XXYLT1: variants seen among roughly 807,000 people sequenced by gnomAD.
XXYLT1 encodes the protein UDP-xylose:alpha-xyloside alpha-1,3-xylosyltransferase.
Under a neutral mutation model 28.9 loss-of-function variants are expected in XXYLT1, and 20 were observed. The observed-to-expected ratio is 0.69, with a 90% CI of 0.49 to 1.00. The LOEUF is 1.00. Ranked by LOEUF, XXYLT1 falls within the 50% of genes least tolerant of loss-of-function variation. The pLI is 0.00. For missense variants in XXYLT1, 542 were observed against 560.1 expected, an observed-to-expected ratio of 0.97 and a Z score of 0.33; for synonymous variants, 257 against 253.8, an observed-to-expected ratio of 1.01 and a Z score of -0.12.
At chr3:195,123,190 A>C (rs1032828595) in intron 3 of XXYLT1, among the ~76,000 whole-genome samples, 1 of 151,942 alleles carries the variant, frequency 6.6e-6, no homozygotes, top group African/African-American at 2.4e-5. Flanking sequence ...CAAAAAAAAA[A>C]ACCCTACATT....
At chr3:195,242,285 T>A (rs1470912837) in intron 1 of XXYLT1, among the ~76,000 whole-genome samples, 1 of 152,174 alleles carries the variant, frequency 6.6e-6, no homozygotes, top group South Asian at 2.1e-4. Context: ...TTCTTCCACA[T>A]AGGACTTACT....
intron 1 of XXYLT1, among the ~76,000 whole-genome samples, chr3:195,245,159 A>T (rs557687675): frequency 4.5e-5 from 6 of 132,360 alleles, no homozygotes; most frequent in Admixed American, 1.5e-4. Flanking sequence ...GCCCAAGAAA[A>T]TTTTTTTTTT....
At position 195,110,341 on chromosome 3, in the gene XXYLT1, GT is replaced by G. The variant is rs1717533224; in HGVS notation, c.786-40231del. ...GGGTGAGGGTGAGGTGTGTGTATGT[GT>G]GTGGTGTGTGGTGTATGTGCGTGCG... is the stretch of plus-strand genomic sequence containing the variant. On this transcript the variant is annotated intron_variant, in intron 3 of 3. Coordinates refer to ENST00000310380, the MANE Select transcript of XXYLT1 (RefSeq NM_152531.5). Among the ~76,000 whole-genome samples, 2 of 59,976 alleles carry G rather than the reference GT, an allele frequency of 3.3e-5. 1 individual carries two copies. The highest frequency in any genetic ancestry group is 1.1e-4 in the African/African-American group (2 of 17,444). The allele number at this position is 59,976 out of a possible 152,430, so 39.3% of individuals were successfully genotyped here. A position where few individuals can be genotyped will look rare whatever the true frequency, so the allele number is the denominator to read the frequency against.
At chr3:195,120,554 C>T (rs1385694957) in intron 3 of XXYLT1, among the ~76,000 whole-genome samples, 1 of 152,206 alleles carries the variant, frequency 6.6e-6, no homozygotes, top group African/African-American at 2.4e-5. Context: ...ATAACATTAA[C>T]TAACATTATT....
intron 3 of XXYLT1, among the ~76,000 whole-genome samples, chr3:195,132,930 C>G (rs1244921751): frequency 2.6e-5 from 4 of 152,238 alleles, no homozygotes; most frequent in Non-Finnish European, 4.4e-5. Flanking sequence ...GCACAATTCT[C>G]TTTCTACCAA....
chr3:195,187,420 T>C (rs1368694738), intron 2 of XXYLT1, among the ~76,000 whole-genome samples: 1 of 152,186 alleles, frequency 6.6e-6, no homozygotes, highest in Admixed American at 6.5e-5. Context: ...CTTCTCTTGA[T>C]ACCAGCCTCC....
At chr3:195,227,229 G>T (rs1038989489) in intron 1 of XXYLT1, among the ~76,000 whole-genome samples, 1 of 152,166 alleles carries the variant, frequency 6.6e-6, no homozygotes, top group Non-Finnish European at 1.5e-5. Context: ...TGGAAACCAC[G>T]TGAGAGTGTG....
chr3:195,117,737 G>A (rs984103809), intron 3 of XXYLT1, among the ~76,000 whole-genome samples: 4 of 152,150 alleles, frequency 2.6e-5, no homozygotes, highest in Admixed American at 1.3e-4. Flanking sequence ...GTGCCTGCCC[G>A]GAGCTCAGCT....
intron 3 of XXYLT1, among the ~76,000 whole-genome samples, chr3:195,125,225 C>A (rs1718555169): frequency 6.6e-6 from 1 of 152,266 alleles, no homozygotes; most frequent in Non-Finnish European, 1.5e-5. Context: ...GGGGACCCGG[C>A]TCCGACAGGG....
chr3:195,167,843 G>C (rs540112979), intron 2 of XXYLT1, among the ~76,000 whole-genome samples: 14 of 152,188 alleles, frequency 9.2e-5, no homozygotes, highest in Non-Finnish European at 1.5e-4. Flanking sequence ...AGGCAGAAGT[G>C]TCAGAGCTGC....
chr3:195,130,875 AT>A (rs1260941851), intron 3 of XXYLT1, among the ~76,000 whole-genome samples: 1 of 151,974 alleles, frequency 6.6e-6, no homozygotes, highest in Non-Finnish European at 1.5e-5. Context: ...AGAGGTCTTT[AT>A]GCTGCACCAA....
At chr3:195,238,323 C>A (rs1384766463) in intron 1 of XXYLT1, among the ~76,000 whole-genome samples, 2 of 152,164 alleles carry the variant, frequency 1.3e-5, no homozygotes, top group African/African-American at 4.8e-5. Context: ...CCAATCCTCC[C>A]CTCCAGCCTT....
At position 195,176,637 on chromosome 3, in the gene XXYLT1, T is replaced by C. The variant is rs1442857827; in HGVS notation, c.653-20056A>G. ...CCTCATGTTTGGAGATACATTGATG[T>C]TGATGAGGCTGGAGAGCTGGAGGAA... is the stretch of plus-strand genomic sequence containing the variant. On this transcript the variant is annotated intron_variant, in intron 2 of 3. Coordinates refer to ENST00000310380, the MANE Select transcript of XXYLT1 (RefSeq NM_152531.5). The surrounding 1 kb of genome is among the most constrained non-coding windows in gnomAD (Gnocchi z 4.9). Among the ~76,000 whole-genome samples the C allele has an allele frequency of 6.6e-6, 1 of 152,208 alleles. No homozygotes were observed. The highest frequency in any genetic ancestry group is 1.9e-4 in the East Asian group (1 of 5,204).
chr3:195,109,499 A>G (rs532010703), intron 3 of XXYLT1, among the ~76,000 whole-genome samples: 83 of 68,496 alleles, frequency 1.2e-3, no homozygotes, highest in African/African-American at 4.2e-3. Context: ...AGGTATGTGT[A>G]CGTGTGTGGT....
intron 3 of XXYLT1, chr3:195,094,024 GCTCCTCCTCCTC>G (rs930238013): frequency 1.3e-5 from 2 of 155,198 alleles, no homozygotes; most frequent in Non-Finnish European, 2.9e-5. Flanking sequence ...GACAGTGGCA[GCTCCTCCTCCTC>G]CTCCTCCTCT....
At chr3:195,161,584 C>T (rs1037004640) in intron 2 of XXYLT1, among the ~76,000 whole-genome samples, 3 of 151,688 alleles carry the variant, frequency 2.0e-5, no homozygotes, top group Admixed American at 6.6e-5. Flanking sequence ...GTTTTATGCC[C>T]TTGTATCACC....
At chr3:195,139,768 T>C (rs1719390672) in intron 3 of XXYLT1, among the ~76,000 whole-genome samples, 1 of 152,186 alleles carries the variant, frequency 6.6e-6, no homozygotes, top group Non-Finnish European at 1.5e-5. Flanking sequence ...CCAGGACACA[T>C]AGGTGAGTTT....
At chr3:195,128,094 G>A (rs1718727877) in intron 3 of XXYLT1, among the ~76,000 whole-genome samples, 1 of 152,138 alleles carries the variant, frequency 6.6e-6, no homozygotes, top group Admixed American at 6.5e-5. Flanking sequence ...ACGGGGCCAG[G>A]GAAGCTGACG....
chr3:195,229,233 C>T (rs1174984531), intron 1 of XXYLT1, among the ~76,000 whole-genome samples: 4 of 151,888 alleles, frequency 2.6e-5, no homozygotes, highest in East Asian at 1.9e-4. Flanking sequence ...TTTAGAAAAA[C>T]TTTGTTACTA....
Sources: allele counts gnomAD v4.1 joint callset (sites outside exome capture counted in the v4.1 genomes callset), GRCh38; gene constraint gnomAD v4.1.1; non-coding constraint Gnocchi (gnomAD v3.1); transcripts MANE v1.5; gene names NCBI Gene and HGNC (gene_info 2026-07-23, HGNC 2026-07-21).